TNRC6A: variants seen among roughly 807,000 people sequenced by gnomAD.
TNRC6A encodes trinucleotide repeat-containing gene 6A protein.
In TNRC6A, 44 loss-of-function variants were observed where a neutral mutation model predicts 221.2. The ratio of observed to expected loss-of-function variants is 0.20; its 90% confidence interval spans 0.16 to 0.26. The LOEUF (loss-of-function observed/expected upper bound fraction) is 0.26, where lower values mean the gene tolerates loss of function less well. Among genes scored for constraint, TNRC6A ranks in the 10% least tolerant of loss-of-function variants. The pLI, the probability that TNRC6A is intolerant of heterozygous loss-of-function variation, is 1.00. For missense variants in TNRC6A, 2,199 were observed against 2,404.4 expected (o/e 0.91, Z 1.79); for synonymous variants, 847 against 838.5 (o/e 1.01, Z -0.18).
At chr16:24,659,204 G>C (rs924764834) in intron 2 of TNRC6A, among the ~76,000 whole-genome samples, 5 of 151,956 alleles carry the variant, frequency 3.3e-5, no homozygotes, top group Admixed American at 3.3e-4. Context: ...ACTTCTTTGA[G>C]TGAATACTAA....
intron 11 of TNRC6A, among the ~76,000 whole-genome samples, chr16:24,803,181 G>A (rs1370576898): frequency 3.3e-5 from 5 of 152,196 alleles, no homozygotes; most frequent in East Asian, 1.9e-4. Context: ...CACTTTGGGA[G>A]GCCAAGGCAG....
At chr16:24,625,309 G>A (rs1413967909) in intron 1 of TNRC6A, among the ~76,000 whole-genome samples, 1 of 152,190 alleles carries the variant, frequency 6.6e-6, no homozygotes, top group East Asian at 1.9e-4. Flanking sequence ...CAATTATTGA[G>A]CATATTTTAA....
rs1567506352 is a variant in TNRC6A, at chr16:24,806,265, G to A, written c.4311G>A (p.Arg1437=). Residue 1437 remains arginine (R), a synonymous_variant, in exon 16 of 25, where the codon CGG becomes CGA. Coordinates refer to ENST00000395799, the MANE Select transcript of TNRC6A (RefSeq NM_014494.4). ...QSQRSVPSGN[R]PQQDQQGRPL... Reference sequence around the variant, plus strand: ...AGAGAAGCGTGCCTTCTGGGAACCGGCCGCAGCAAGACCAGCAGGTAGAGC... The same window carrying A: ...AGAGAAGCGTGCCTTCTGGGAACCGACCGCAGCAAGACCAGCAGGTAGAGC... 2.3e-5 allele frequency: 37 copies of A among 1,614,180 alleles called. No homozygotes were observed. Among genetic ancestry groups the A allele is most frequent in the Non-Finnish European group, 3.1e-5 (37 of 1,180,040 alleles).
At chr16:24,662,529 C>T (rs1323358019) in intron 2 of TNRC6A, 1 of 151,808 alleles carries the variant, frequency 6.6e-6, no homozygotes, top group African/African-American at 2.4e-5. Context: ...TATAGAAGAG[C>T]CTAATGATTA....
At chr16:24,672,145 G>A (rs980611840) in intron 2 of TNRC6A, among the ~76,000 whole-genome samples, 2 of 152,032 alleles carry the variant, frequency 1.3e-5, no homozygotes, top group African/African-American at 4.8e-5. Flanking sequence ...TTTTTGAGAC[G>A]GAGTCTTGCT....
intron 20 of TNRC6A, among the ~76,000 whole-genome samples, chr16:24,818,174 C>T (rs2058691920): frequency 6.6e-6 from 1 of 152,206 alleles, no homozygotes; most frequent in Non-Finnish European, 1.5e-5. Context: ...GGCCTGTTCA[C>T]TAGTAGTGTC....
chr16:24,699,775 T>C (rs1227875408), intron 2 of TNRC6A, among the ~76,000 whole-genome samples: 4 of 148,848 alleles, frequency 2.7e-5, no homozygotes, highest in Non-Finnish European at 1.5e-5. Flanking sequence ...AGCCCAGAGA[T>C]GGACAAGAGA....
chr16:24,791,803 C>A lies in TNRC6A; in HGVS notation c.3161C>A (p.Ala1054Glu). 6.5e-7 allele frequency: 1 copy of A among 1,547,714 alleles called. No homozygotes were observed. The highest frequency in any genetic ancestry group is 8.7e-7 in the Non-Finnish European group (1 of 1,152,008). ...TPASAISNKE[A>E]SSGSGWGEPW... ...GCAAGTGCCATCTCAAACAAAGAGG[C>A]AAGCAGTGGCTCTGGTAAGTTTCTA... The change falls in exon 6 of 25, where the codon GCA becomes GAA. Residue 1054 changes from alanine to glutamate, a missense_variant. Around this residue, in one of 8 missense-constraint regions of TNRC6A, gnomAD observed 1,405 missense variants for 1,400.2 expected, o/e 1.00. Transcript: ENST00000395799.
At position 24,729,653 on chromosome 16, in the gene TNRC6A, T is replaced by C; in HGVS notation, c.-189T>C. 1 of 591,552 alleles carries C rather than the reference T, an allele frequency of 1.7e-6. No individual in the cohort carries two copies. Among genetic ancestry groups the C allele is most frequent in the Non-Finnish European group, 2.5e-6 (1 of 400,658 alleles). The allele number at this position is 591,552 out of a possible 1,614,324, so 36.6% of individuals were successfully genotyped here. A position where few individuals can be genotyped will look rare whatever the true frequency, so the allele number is the denominator to read the frequency against. ...AGGGGTTGCCGAGTGGGGCATTCAC[T>C]TCCGGTCTGGGGCCTGCGGCGGCGG... On this transcript the variant is annotated 5_prime_UTR_variant, in exon 1 of 25. Coordinates refer to ENST00000395799, the MANE Select transcript of TNRC6A (RefSeq NM_014494.4).
upstream of TNRC6A, among the ~76,000 whole-genome samples, chr16:24,727,269 T>A (rs1156266390): frequency 6.6e-6 from 1 of 152,136 alleles, no homozygotes; most frequent in Non-Finnish European, 1.5e-5. Flanking sequence ...CCTCAGATGA[T>A]CTGCCCACTT....
chr16:24,731,637 A>G (rs2151173547), intron 2 of TNRC6A, among the ~76,000 whole-genome samples: 1 of 152,374 alleles, frequency 6.6e-6, no homozygotes, highest in East Asian at 1.9e-4. Context: ...ATATCAGCAG[A>G]ACAGAGCTTA....
intron 2 of TNRC6A, among the ~76,000 whole-genome samples, chr16:24,656,041 G>A (rs780303700): frequency 3.3e-5 from 5 of 151,578 alleles, no homozygotes; most frequent in Non-Finnish European, 5.9e-5. Context: ...TACTCAGGAG[G>A]CTGAGGCAGG....
chr16:24,768,843 A>T (rs1331852508), intron 4 of TNRC6A, among the ~76,000 whole-genome samples: 1 of 152,236 alleles, frequency 6.6e-6, no homozygotes, highest in Admixed American at 6.5e-5. Context: ...TAAATAGTAG[A>T]CTTTGACAGA....
chr16:24,756,773 G>A (rs1027603494), intron 3 of TNRC6A, among the ~76,000 whole-genome samples: 2 of 152,158 alleles, frequency 1.3e-5, no homozygotes, highest in African/African-American at 2.4e-5. Context: ...GATAACAGGC[G>A]TGAGCTGCAC....
intron 6 of TNRC6A, among the ~76,000 whole-genome samples, chr16:24,792,613 C>CTTTTTTGTT (rs2058129572): frequency 3.5e-5 from 2 of 56,514 alleles, no homozygotes; most frequent in East Asian, 5.4e-4. Context: ...ACATTTATGG[C>CTTTTTTGTT]TTTTTTTTTT....
chr16:24,766,450 A>G (rs1283661205), intron 4 of TNRC6A, among the ~76,000 whole-genome samples: 5 of 152,084 alleles, frequency 3.3e-5, no homozygotes, highest in Admixed American at 6.6e-5. Context: ...TCTCCAGCTA[A>G]TTCAGGGTTC....
At chr16:24,728,763 CTG>C (rs960690930), upstream of TNRC6A, among the ~76,000 whole-genome samples, 55 of 152,320 alleles carry the variant, frequency 3.6e-4, no homozygotes, top group Non-Finnish European at 1.2e-4. Context: ...ACATATGCAT[CTG>C]TGTCTACATA....
At chr16:24,782,314 C>T (rs575789339) in intron 5 of TNRC6A, among the ~76,000 whole-genome samples, 5 of 152,318 alleles carry the variant, frequency 3.3e-5, no homozygotes, top group East Asian at 1.9e-4. Context: ...TCATGCATTG[C>T]ATTTGGTTGT....
chr16:24,801,533 CTTTTTTTTTT>C (rs34391039), intron 11 of TNRC6A, among the ~76,000 whole-genome samples: 1 of 121,584 alleles, frequency 8.2e-6, no homozygotes, highest in Non-Finnish European at 1.8e-5. Flanking sequence ...ATGCTACTCT[CTTTTTTTTTT>C]TTTTTTTTGA....
Sources: allele counts gnomAD v4.1 joint callset (sites outside exome capture counted in the v4.1 genomes callset), GRCh38; gene constraint gnomAD v4.1.1; regional missense constraint gnomAD v4.1.1; transcripts MANE v1.5; gene names NCBI Gene and HGNC (gene_info 2026-07-23, HGNC 2026-07-21).